ASCC1: variants seen among roughly 807,000 people sequenced by gnomAD.
ASCC1 encodes the protein ASC-1 complex subunit P50.
In ASCC1, 35 loss-of-function variants were observed where a neutral mutation model predicts 46.6. The observed-to-expected ratio is 0.75, with a 90% CI of 0.57 to 0.99. The LOEUF (loss-of-function observed/expected upper bound fraction) is 0.99, where lower values mean the gene tolerates loss of function less well. ASCC1 is among the 50% of genes least tolerant of loss of function. The pLI is 0.00. For synonymous variants in ASCC1, 143 were observed against 146.6 expected, an observed-to-expected ratio of 0.98 and a Z score of 0.18; for missense variants, 376 against 428.7, an observed-to-expected ratio of 0.88 and a Z score of 1.09.
intron 9 of ASCC1, among the ~76,000 whole-genome samples, chr10:72,117,841 G>A (rs953005164): frequency 3.3e-5 from 5 of 152,154 alleles, no homozygotes; most frequent in African/African-American, 1.2e-4. Flanking sequence ...ATCTGCTAGT[G>A]ATTTTACTTA....
chr10:72,165,344 G>C (rs1442189766), intron 5 of ASCC1, among the ~76,000 whole-genome samples: 1 of 152,146 alleles, frequency 6.6e-6, no homozygotes, highest in Non-Finnish European at 1.5e-5. Context: ...CCAAACTCCT[G>C]ACCTCAGGTG....
intron 5 of ASCC1, among the ~76,000 whole-genome samples, chr10:72,168,670 C>CA (rs1018024707): frequency 6.6e-6 from 1 of 152,122 alleles, no homozygotes; most frequent in Non-Finnish European, 1.5e-5. Flanking sequence ...TAAAGTTAAA[C>CA]AAGGCCATAA....
rs561650349 is a variant in ASCC1, at chr10:72,149,702, T to C, written c.746+3167A>G. ...CTACCCTATACATAGTACATTGTAG[T>C]TCTAGAATACTGTGAAGGCATTTGG... On this transcript the variant is annotated intron_variant, in intron 7 of 9. Transcript: ENST00000672957. Among the ~76,000 whole-genome samples the C allele has an allele frequency of 5.3e-5, 8 of 152,320 alleles. No individual in the cohort carries two copies. In the East Asian group the frequency reaches 9.6e-4, roughly 18 times the overall value.
rs771288699 is a variant in ASCC1, at chr10:72,161,583, TG to T, written c.580del (p.Gln194SerfsTer24). The T allele has an allele frequency of 4.3e-6, 7 of 1,614,102 alleles. No homozygotes were observed. In the African/African-American group the frequency reaches 9.3e-5, roughly 22 times the overall value. ...MLVLLSEEEI[Q>X]QTCEMLQQCK... ...CTGCTGTAGCATCTCACATGTCTGC[TG>T]GATCTCTTCCTCACTCAAAAGCACC... On this transcript the variant is annotated frameshift_variant, in exon 6 of 10. Transcript: ENST00000672957. LOFTEE classifies it high-confidence loss of function.
intron 4 of ASCC1, among the ~76,000 whole-genome samples, chr10:72,197,554 T>C (rs1420058786): frequency 6.6e-6 from 1 of 151,810 alleles, no homozygotes; most frequent in Non-Finnish European, 1.5e-5. Context: ...AAGCAAACCC[T>C]TGCTAGTAGG....
chr10:72,102,404 C>G, intron 9 of ASCC1: 2 of 1,549,950 alleles, frequency 1.3e-6, no homozygotes, highest in South Asian at 1.2e-5. Context: ...GAATATGCAT[C>G]AGAGACACCT....
At chr10:72,132,723 T>C (rs568759263) in intron 8 of ASCC1, among the ~76,000 whole-genome samples, 2 of 152,086 alleles carry the variant, frequency 1.3e-5, no homozygotes, top group South Asian at 2.1e-4. Flanking sequence ...TCCTTTCTTT[T>C]TTCTCTTTAA....
intron 9 of ASCC1, among the ~76,000 whole-genome samples, chr10:72,107,762 A>G (rs898260614): frequency 2.0e-5 from 3 of 152,256 alleles, no homozygotes; most frequent in Non-Finnish European, 4.4e-5. Flanking sequence ...GTAATTCAAA[A>G]TCTAAGCTGT....
intron 5 of ASCC1, among the ~76,000 whole-genome samples, chr10:72,196,273 T>C (rs1855407089): frequency 6.7e-6 from 1 of 149,216 alleles, no homozygotes; most frequent in African/African-American, 2.6e-5. Context: ...CATTTGTGTC[T>C]TAAATCTTTT....
intron 9 of ASCC1, among the ~76,000 whole-genome samples, chr10:72,106,024 G>T (rs961432383): frequency 2.0e-5 from 3 of 152,080 alleles, no homozygotes; most frequent in South Asian, 2.1e-4. Flanking sequence ...ATCTGCTGGG[G>T]ATCCCTGCTC....
chr10:72,217,032 C>T (rs749063021), upstream of ASCC1: 1 of 454,346 alleles, frequency 2.2e-6, no homozygotes, highest in South Asian at 1.6e-5. Context: ...GCTCGCCCTG[C>T]GTTCTGTCGT....
intron 9 of ASCC1, among the ~76,000 whole-genome samples, chr10:72,107,113 T>C (rs1842421447): frequency 6.6e-6 from 1 of 151,950 alleles, no homozygotes; most frequent in Non-Finnish European, 1.5e-5. Flanking sequence ...AAAAGAGGCA[T>C]GTAGGTACAG....
Position 72,097,039 on chromosome 10 carries a change from A to T in ASCC1, c.*295T>A. ...GTTAACGTTACTGAACTGTGCACTT[A>T]AAAATGGTGAAGACAGTATGTTTTA... On this transcript the variant is annotated 3_prime_UTR_variant, in exon 10 of 10. Transcript: ENST00000672957. 2.1e-6 allele frequency: 1 copy of T among 471,072 alleles called. No homozygotes were observed. The highest frequency in any genetic ancestry group is 4.2e-6 in the Non-Finnish European group (1 of 238,028). 29.2% of individuals were successfully genotyped at this position (471,072 alleles called of 1,614,324 possible). A position where few individuals can be genotyped will look rare whatever the true frequency, so the allele number is the denominator to read the frequency against.
intron 7 of ASCC1, among the ~76,000 whole-genome samples, chr10:72,141,080 G>GATAGATAGATAGATAGATAGAT (rs759813544): frequency 5.0e-5 from 7 of 141,022 alleles, no homozygotes; most frequent in Non-Finnish European, 7.8e-5. Context: ...TAGATAGATA[G>GATAGATAGATAGATAGATAGAT]ATAGATATAG....
chr10:72,209,845 T>C (rs1284166973), intron 3 of ASCC1, among the ~76,000 whole-genome samples: 1 of 152,212 alleles, frequency 6.6e-6, no homozygotes, highest in Non-Finnish European at 1.5e-5. Context: ...TCTGTGTCCC[T>C]GCCAAATCTC....
intron 5 of ASCC1, among the ~76,000 whole-genome samples, chr10:72,162,336 A>T (rs1419587234): frequency 6.6e-6 from 1 of 151,636 alleles, no homozygotes; most frequent in African/African-American, 2.4e-5. Context: ...ACGCCCGGCT[A>T]ATTTTTTTGT....
At chr10:72,129,274 C>A (rs926203001) in intron 8 of ASCC1, among the ~76,000 whole-genome samples, 2 of 152,076 alleles carry the variant, frequency 1.3e-5, no homozygotes, top group Non-Finnish European at 2.9e-5. Context: ...TAAATTGATA[C>A]CAAATAAATA....
chr10:72,099,627 C>A (rs1194822967), intron 9 of ASCC1, among the ~76,000 whole-genome samples: 1 of 152,160 alleles, frequency 6.6e-6, no homozygotes, highest in East Asian at 1.9e-4. Flanking sequence ...TCGAGACCAG[C>A]CTGCCCTACA....
chr10:72,152,964 T>C lies in ASCC1; in HGVS notation c.651A>G (p.Leu217=). 6.2e-7 allele frequency: 1 copy of C among 1,614,136 alleles called. No individual in the cohort carries two copies. The highest frequency in any genetic ancestry group is 8.5e-7 in the Non-Finnish European group (1 of 1,179,996). The change falls in exon 7 of 10, where the codon CTA becomes CTG. Residue 217 remains leucine (L), a synonymous_variant. Transcript: ENST00000672957. ...FINDISGGKP[L]EVEMAGIEYM... is the part of the protein sequence containing the mutation. The stretch of plus-strand genomic sequence containing the variant: ...ATTCTATCCCTGCCATCTCCACTTC[T>C]AGGGGTTTACCCCCAGAAATATCAC...
Sources: gnomAD v4.1 joint callset for allele counts (sites outside exome capture counted in the v4.1 genomes callset) on GRCh38, gnomAD v4.1.1 for gene constraint, MANE v1.5 for transcripts, NCBI Gene and HGNC (gene_info 2026-07-23, HGNC 2026-07-21) for gene names.